The following DACH2 variants were observed in gnomAD, a reference collection of about 807,000 sequenced individuals.
The protein encoded by DACH2 is dachshund homolog 2.
In DACH2, 17 loss-of-function variants were observed where a neutral mutation model predicts 35.8. The observed-to-expected ratio is 0.48, with a 90% confidence interval of 0.33 to 0.71. The LOEUF is 0.71. DACH2 is among the 30% of genes least tolerant of loss of function. The pLI is 0.02. For missense variants in DACH2, 469 were observed against 472.7 expected (o/e 0.99, Z 0.07); for synonymous variants, 195 against 177.3 (o/e 1.10, Z -0.79).
At chrX:86,399,757 G>A (rs1602478007) in intron 2 of DACH2, among the ~76,000 whole-genome samples, 1 of 112,169 alleles carries the variant, frequency 8.9e-6, no homozygotes, top group Non-Finnish European at 1.9e-5. Flanking sequence ...TCAGCTGTTA[G>A]TCTGATGGGC....
intron 1 of DACH2, chrX:86,160,745 T>C: frequency 2.2e-6 from 1 of 461,858 alleles, no homozygotes; most frequent in Non-Finnish European, 3.9e-6. Flanking sequence ...CGAAGCTTTA[T>C]TTTATTTCAC....
chrX:86,644,412 A>T (rs1235578634), intron 3 of DACH2, among the ~76,000 whole-genome samples: 1 of 111,539 alleles, frequency 9.0e-6, no homozygotes, highest in African/African-American at 3.3e-5. Flanking sequence ...CTGTTCAAAT[A>T]AATCAGAGAA....
intron 2 of DACH2, among the ~76,000 whole-genome samples, chrX:86,426,533 C>T (rs1009499272): frequency 8.9e-6 from 1 of 111,834 alleles, no homozygotes; most frequent in African/African-American, 3.2e-5. Flanking sequence ...TAACCCTAAA[C>T]AATTTTGCTA....
rs1261107081 is a variant in DACH2 at position 86,409,474 on chromosome X, G to A, written c.527+32612G>A. On this transcript the variant is annotated intron_variant, in intron 2 of 11. Coordinates refer to ENST00000373125, the MANE Select transcript of DACH2 (RefSeq NM_053281.3). ...CATGAATGGTTTAGCACCATTCCTT[G>A]GTGCTGTCCTTGTGATAGCAAGTGA... 2.7e-5 allele frequency among the ~76,000 whole-genome samples: 3 copies of A among 111,059 alleles called. No homozygotes were observed. The East Asian group carries it at 8.5e-4, about 32-fold the overall frequency.
chrX:86,283,114 A>G (rs959778404), intron 1 of DACH2, among the ~76,000 whole-genome samples: 2 of 97,040 alleles, frequency 2.1e-5, no homozygotes, highest in East Asian at 3.3e-4. Flanking sequence ...TGTAGCTAAC[A>G]AACATATGAG....
intron 3 of DACH2, among the ~76,000 whole-genome samples, chrX:86,650,648 A>T: frequency 8.9e-6 from 1 of 111,749 alleles, no homozygotes; most frequent in Middle Eastern, 4.6e-3. Context: ...GGAATTTTTT[A>T]AACTATTTGC....
At chrX:86,551,117 G>A (rs1418356917) in intron 3 of DACH2, among the ~76,000 whole-genome samples, 2 of 111,710 alleles carry the variant, frequency 1.8e-5, no homozygotes. Flanking sequence ...TACATGAAAC[G>A]GTAATCATTG....
intron 2 of DACH2, among the ~76,000 whole-genome samples, chrX:86,431,985 A>T (rs1431550419): frequency 8.9e-6 from 1 of 112,158 alleles, no homozygotes. Flanking sequence ...TCAGTAAAAA[A>T]ATGTATTTGT....
chrX:86,601,163 G>A (rs1216284130), intron 3 of DACH2, among the ~76,000 whole-genome samples: 1 of 111,392 alleles, frequency 9.0e-6, no homozygotes, highest in Non-Finnish European at 1.9e-5. Flanking sequence ...ACTTTTGAAA[G>A]TCGTATTAAT....
At chrX:86,643,170 TTG>T (rs1470833409) in intron 3 of DACH2, among the ~76,000 whole-genome samples, 3 of 55,851 alleles carry the variant, frequency 5.4e-5, no homozygotes, top group Non-Finnish European at 7.1e-5. Flanking sequence ...AATCCAGGAA[TTG>T]TTTTTTTTTT....
At chrX:86,715,772 A>G (rs1303779710) in intron 6 of DACH2, among the ~76,000 whole-genome samples, 1 of 111,497 alleles carries the variant, frequency 9.0e-6, no homozygotes, top group African/African-American at 3.3e-5. Flanking sequence ...ACAGGAATTT[A>G]GAGGAAGGAG....
At position 86,547,524 on chromosome X, in the gene DACH2, AACACACACACAC is replaced by A. The variant is rs751559427; in HGVS notation, c.640+33166_640+33177del. ...GAAAATGAAACCTAACGTGCTGCAG[AACACACACACAC>A]ACACACACACACACACACACACACA... On this transcript the variant is annotated intron_variant, in intron 3 of 11. Transcript: ENST00000373125. Among the ~76,000 whole-genome samples the A allele has an allele frequency of 6.7e-4, 61 of 90,847 alleles. 1 individual carries two copies. The highest frequency in any genetic ancestry group is 6.0e-3 in the East Asian group (16 of 2,653). 78.9% of individuals were successfully genotyped at this position (90,847 alleles called of 115,157 possible). A position where few individuals can be genotyped will look rare whatever the true frequency, so the allele number is the denominator to read the frequency against.
At chrX:86,157,686 T>A (rs1185998810) in intron 1 of DACH2, among the ~76,000 whole-genome samples, 1 of 111,515 alleles carries the variant, frequency 9.0e-6, no homozygotes, top group Non-Finnish European at 1.9e-5. Flanking sequence ...TACAGCAATA[T>A]GTTAGTTTCT....
At chrX:86,660,407 C>T (rs1439821316) in intron 4 of DACH2, among the ~76,000 whole-genome samples, 1 of 111,805 alleles carries the variant, frequency 8.9e-6, no homozygotes, top group East Asian at 2.8e-4. Flanking sequence ...TCTTCCAAGA[C>T]ACACGTGTTA....
Position 86,579,993 on chromosome X carries a change from C to A in DACH2, c.640+65602C>A, listed in dbSNP as rs149696404. On this transcript the variant is annotated intron_variant, in intron 3 of 11. Transcript: ENST00000373125. ...CCACCCAGAGGAGTTCGGTGGCCAG[C>A]ACACCAGGAACACCTCAGCCCCTCC... Among the ~76,000 whole-genome samples, 3 of 111,190 alleles carry A rather than the reference C, an allele frequency of 2.7e-5. No individual in the cohort carries two copies. In the East Asian group the frequency reaches 8.6e-4, roughly 32 times the overall value.
intron 2 of DACH2, among the ~76,000 whole-genome samples, chrX:86,400,456 T>C (rs1444227703): frequency 8.9e-6 from 1 of 111,908 alleles, no homozygotes; most frequent in Non-Finnish European, 1.9e-5. Flanking sequence ...AGAGGCGCTC[T>C]GAGTTTTATC....
intron 1 of DACH2, among the ~76,000 whole-genome samples, chrX:86,343,920 G>C (rs745414100): frequency 1.0e-4 from 11 of 110,462 alleles, no homozygotes; most frequent in Non-Finnish European, 1.9e-4. Context: ...GAAGGGTAGT[G>C]GGGGGCTGGG....
At chrX:86,292,726 T>A (rs1158777053) in intron 1 of DACH2, among the ~76,000 whole-genome samples, 1 of 111,717 alleles carries the variant, frequency 9.0e-6, no homozygotes, top group East Asian at 2.8e-4. Flanking sequence ...TTCCATGTAG[T>A]TGAGCGGTTT....
chrX:86,190,511 A>C (rs2147891569), intron 1 of DACH2, among the ~76,000 whole-genome samples: 1 of 112,197 alleles, frequency 8.9e-6, no homozygotes, highest in Non-Finnish European at 1.9e-5. Flanking sequence ...TACTCCTTCA[A>C]CATGAACAGA....
Sources: allele counts gnomAD v4.1 joint callset (sites outside exome capture counted in the v4.1 genomes callset), GRCh38; gene constraint gnomAD v4.1.1; transcripts MANE v1.5; gene names NCBI Gene and HGNC (gene_info 2026-07-23, HGNC 2026-07-21).